Variants in MTMR1 observed in about 807,000 individuals in gnomAD.
The protein encoded by MTMR1 is myotubularin related protein 1.
Under a neutral mutation model 51.6 loss-of-function variants are expected in MTMR1, and 17 were observed. That is an observed-to-expected ratio of 0.33 (90% CI 0.23 to 0.49). The LOEUF (loss-of-function observed/expected upper bound fraction) is 0.49. Among genes scored for constraint, MTMR1 ranks in the 20% least tolerant of loss-of-function variants. The probability of loss-of-function intolerance (pLI) is 0.99; values close to 1 mark genes in which losing one functional copy is unlikely to be tolerated. For missense variants in MTMR1, 386 were observed against 526.9 expected, an observed-to-expected ratio of 0.73 and a Z score of 2.62; for synonymous variants, 201 against 205.6, an observed-to-expected ratio of 0.98 and a Z score of 0.19.
At chrX:150,733,574 G>A (rs782608387) in intron 10 of MTMR1, among the ~76,000 whole-genome samples, 1 of 110,547 alleles carries the variant, frequency 9.0e-6, no homozygotes, top group African/African-American at 3.3e-5. Flanking sequence ...TGGCAAGTTG[G>A]TGAGACCCCT....
intron 13 of MTMR1, 98 bp from the exon 14 acceptor site, chrX:150,750,632 A>G (rs1557417562): frequency 9.6e-6 from 5 of 518,458 alleles, no homozygotes; most frequent in South Asian, 3.4e-5. Flanking sequence ...ATCTTTGACT[A>G]TATTCCAAGT....
chrX:150,753,500 T>C (rs1412182931), intron 14 of MTMR1, among the ~76,000 whole-genome samples: 1 of 112,535 alleles, frequency 8.9e-6, no homozygotes, highest in African/African-American at 3.2e-5. Flanking sequence ...TTAAAAAAAT[T>C]ATAGCCATCC....
intron 4 of MTMR1, among the ~76,000 whole-genome samples, chrX:150,726,632 G>T (rs1006260897): frequency 8.9e-6 from 1 of 111,960 alleles, no homozygotes; most frequent in African/African-American, 3.2e-5. Context: ...ATGAAGATGT[G>T]GTATCTTTGT....
At chrX:150,716,418 A>G (rs1178793831) in intron 3 of MTMR1, among the ~76,000 whole-genome samples, 1 of 112,780 alleles carries the variant, frequency 8.9e-6, no homozygotes, top group Non-Finnish European at 1.9e-5. Context: ...TGCATAAAAT[A>G]TATTTCCAAA....
chrX:150,706,930 G>T (rs2041127697), intron 2 of MTMR1, among the ~76,000 whole-genome samples: 2 of 110,595 alleles, frequency 1.8e-5, no homozygotes, highest in African/African-American at 6.6e-5. Context: ...GAACCTAGAA[G>T]TCATCCCACA....
At chrX:150,711,784 G>C (rs1353913792) in intron 2 of MTMR1, among the ~76,000 whole-genome samples, 1 of 112,003 alleles carries the variant, frequency 8.9e-6, no homozygotes, top group African/African-American at 3.2e-5. Context: ...TCCCCAGTAT[G>C]AATTGGAAAT....
chrX:150,705,516 A>G (rs1167051973), intron 2 of MTMR1, among the ~76,000 whole-genome samples: 1 of 112,554 alleles, frequency 8.9e-6, no homozygotes, highest in African/African-American at 3.2e-5. Flanking sequence ...AATTCTAATG[A>G]CAGTGGATTT....
At chrX:150,739,566 C>T (rs1244007439) in intron 12 of MTMR1, among the ~76,000 whole-genome samples, 1 of 111,914 alleles carries the variant, frequency 8.9e-6, no homozygotes, top group African/African-American at 3.3e-5. Flanking sequence ...GGCTGTCTAG[C>T]GAGGTGCCAG....
At position 150,755,807 on chromosome X, in the gene MTMR1, G is replaced by A. The variant is rs1402851207; in HGVS notation, c.1799G>A (p.Ser600Asn). 6 of 1,205,403 alleles carry A rather than the reference G, an allele frequency of 5.0e-6. No homozygotes were observed. The highest frequency in any genetic ancestry group is 5.6e-6 in the Non-Finnish European group (5 of 893,329). ...GTGTTATATCCTGTTGCTAGTCTGAGTCATTTGGAATTGTGGGTAAATTAT... is the reference window on the plus strand; with the variant it reads ...GTGTTATATCCTGTTGCTAGTCTGAATCATTTGGAATTGTGGGTAAATTAT... ...NHVLYPVASL[S>N]HLELWVNYYV... The change falls in exon 15 of 16, where the codon AGT becomes AAT. Residue 600 changes from serine to asparagine, a missense_variant. By Grantham distance (46) the Ser-to-Asn change is conservative. Coordinates refer to ENST00000445323, the MANE Select transcript of MTMR1 (RefSeq NM_001306144.3).
chrX:150,736,897 G>A, intron 11 of MTMR1, 117 bp downstream of exon 11: 1 of 733,679 alleles, frequency 1.4e-6, no homozygotes, highest in Non-Finnish European at 1.9e-6. Context: ...TTATTCAATA[G>A]TTTCCATGGA....
In MTMR1 at chrX:150,732,642, A is replaced by G. The variant is rs782008913; in HGVS notation, c.992A>G (p.Tyr331Cys). Residue 331 changes from tyrosine (Y) to cysteine (C), a missense_variant, in exon 10 of 16, where the codon TAC (tyrosine) becomes TGC (cysteine). Coordinates refer to ENST00000445323, the MANE Select transcript of MTMR1 (RefSeq NM_001306144.3). Reference sequence around the variant, plus strand: ...AAGCGCTGCAAAGAGGATGAAAAATACTTGCAAACAATAATGGATGCTAAC... The same window carrying G: ...AAGCGCTGCAAAGAGGATGAAAAATGCTTGCAAACAATAATGGATGCTAAC... ...NDKRCKEDEK[Y>C]LQTIMDANAQ... 2 of 1,211,720 alleles carry G rather than the reference A, an allele frequency of 1.7e-6. No homozygotes were observed. Among genetic ancestry groups the G allele is most frequent in the South Asian group, 3.5e-5 (2 of 56,955 alleles).
intron 14 of MTMR1, chrX:150,751,426 T>G (rs2042726408): frequency 7.6e-6 from 1 of 130,980 alleles, no homozygotes; most frequent in South Asian, 3.1e-4. Flanking sequence ...CAAGGACCAA[T>G]GCCTGTGAGC....
intron 12 of MTMR1, 51 bp downstream of exon 12, chrX:150,737,499 G>A (rs782683717): frequency 5.7e-6 from 6 of 1,048,217 alleles, no homozygotes; most frequent in Non-Finnish European, 8.0e-6. Context: ...GTATCATATG[G>A]ATGTAAACGT....
At position 150,753,656 on chromosome X, in the gene MTMR1, TGTG is replaced by T. The variant is rs782308597; in HGVS notation, c.1681-2029_1681-2027del. ...TCAGCTCCTTAGTTCATTTTAAAAT[TGTG>T]GTGTTTGTCCTTTTTATTATGGAGT... On this transcript the variant is annotated intron_variant, in intron 14 of 15. Transcript: ENST00000445323. Among the ~76,000 whole-genome samples, 13 of 112,377 alleles carry T rather than the reference TGTG, an allele frequency of 1.2e-4. No individual in the cohort carries two copies. The South Asian group carries it at 2.9e-3, about 25-fold the overall frequency.
chrX:150,720,757 C>A (rs1023686368), intron 4 of MTMR1, among the ~76,000 whole-genome samples: 1 of 111,988 alleles, frequency 8.9e-6, no homozygotes, highest in African/African-American at 3.2e-5. Context: ...TATGAGCATT[C>A]CAGTTTTTCC....
chrX:150,714,050 A>G (rs1463045826), intron 3 of MTMR1, among the ~76,000 whole-genome samples: 2 of 112,756 alleles, frequency 1.8e-5, no homozygotes, highest in African/African-American at 6.4e-5. Context: ...ATACATGTCT[A>G]TAAACTGCCT....
At chrX:150,758,375 C>A (rs931273051) in intron 15 of MTMR1, among the ~76,000 whole-genome samples, 1 of 112,193 alleles carries the variant, frequency 8.9e-6, no homozygotes, top group South Asian at 3.7e-4. Flanking sequence ...TTTGCTCCTG[C>A]CTAACAGCCC....
At chrX:150,747,063 T>G (rs2148657480) in intron 13 of MTMR1, among the ~76,000 whole-genome samples, 1 of 111,245 alleles carries the variant, frequency 9.0e-6, no homozygotes, top group African/African-American at 3.3e-5. Context: ...CTCTTTAGAG[T>G]CCCAAAGACA....
chrX:150,742,513 A>G (rs1257866963), intron 12 of MTMR1, among the ~76,000 whole-genome samples: 5 of 111,550 alleles, frequency 4.5e-5, no homozygotes, highest in Admixed American at 3.8e-4. Context: ...AACATGGATG[A>G]ACCTTGAAAA....
Sources: allele counts gnomAD v4.1 joint callset (sites outside exome capture counted in the v4.1 genomes callset), GRCh38; gene constraint gnomAD v4.1.1; transcripts MANE v1.5; gene names NCBI Gene and HGNC (gene_info 2026-07-23, HGNC 2026-07-21).